The following SOX13 variants were observed in gnomAD, a reference collection of about 807,000 sequenced individuals.
The protein encoded by SOX13 is SRY-box transcription factor 13, also known as transcription factor SOX-13.
SOX13 carries 28 observed loss-of-function variants against 71.8 expected under a neutral mutation model. The observed-to-expected ratio is 0.39, with a 90% CI of 0.29 to 0.53. The LOEUF (loss-of-function observed/expected upper bound fraction) is 0.53. SOX13 is among the 20% of genes least tolerant of loss of function. SOX13 has a pLI of 0.70. For missense variants in SOX13, 627 were observed against 810.3 expected (o/e 0.77, Z 2.75); for synonymous variants, 309 against 317.8 (o/e 0.97, Z 0.29).
chr1:204,075,710 T>G (rs953079558), intron 1 of SOX13, among the ~76,000 whole-genome samples: 4 of 152,196 alleles, frequency 2.6e-5, no homozygotes, highest in African/African-American at 9.7e-5. Context: ...GGTGTGACTC[T>G]GGGCAATTTA....
chr1:204,075,920 G>T (rs1216233379), intron 1 of SOX13, among the ~76,000 whole-genome samples: 1 of 152,198 alleles, frequency 6.6e-6, no homozygotes, highest in Non-Finnish European at 1.5e-5. Context: ...AGAGCACTTG[G>T]TGATTGTGCT....
At chr1:204,122,154 A>C in intron 8 of SOX13, 83 bp from the exon 9 acceptor site, 1 of 1,242,798 alleles carries the variant, frequency 8.0e-7, no homozygotes, top group Non-Finnish European at 1.1e-6. Context: ...TGTTCTGGGT[A>C]TGCTCACCTC....
Position 204,123,060 on chromosome 1 carries a change from G to C in SOX13, c.1135-52G>C. ...GGCCACCAAGAGAGGAGCATGGGGA[G>C]GAGTGGGGTGATGCAGAGGAGGCTG... On this transcript the variant is annotated intron_variant, in intron 10 of 13. Transcript: ENST00000367204. The surrounding 1 kb of genome is among the most constrained non-coding windows in gnomAD (Gnocchi z 5.0). 1 of 1,532,124 alleles carries C rather than the reference G, an allele frequency of 6.5e-7. No homozygotes were observed. The highest frequency in any genetic ancestry group is 9.0e-7 in the Non-Finnish European group (1 of 1,106,840). The allele number at this position is 1,532,124 out of a possible 1,614,324, so 94.9% of individuals were successfully genotyped here. A position where few individuals can be genotyped will look rare whatever the true frequency, so the allele number is the denominator to read the frequency against.
intron 9 of SOX13, 57 bp from the exon 10 acceptor site, chr1:204,122,797 G>A (rs749809160): frequency 9.0e-7 from 1 of 1,115,306 alleles, no homozygotes; most frequent in Non-Finnish European, 1.3e-6. Flanking sequence ...GCTCATGCTG[G>A]GCTGATGCCC....
At chr1:204,082,585 C>G (rs892562076) in intron 1 of SOX13, among the ~76,000 whole-genome samples, 2 of 152,130 alleles carry the variant, frequency 1.3e-5, no homozygotes, top group Admixed American at 1.3e-4. Context: ...CCCGGGAGCA[C>G]TTAATATGGG....
At chr1:204,104,894 A>G (rs956209435) in intron 1 of SOX13, among the ~76,000 whole-genome samples, 5 of 151,608 alleles carry the variant, frequency 3.3e-5, no homozygotes, top group African/African-American at 1.2e-4. Flanking sequence ...CTGACAGTAA[A>G]AACTCCTTTG....
At chr1:204,102,341 G>C (rs1041139601) in intron 1 of SOX13, among the ~76,000 whole-genome samples, 1 of 152,192 alleles carries the variant, frequency 6.6e-6, no homozygotes, top group Non-Finnish European at 1.5e-5. Context: ...GAACGCAAGG[G>C]TTAATGATAT....
At chr1:204,082,006 G>A (rs1327444286) in intron 1 of SOX13, among the ~76,000 whole-genome samples, 2 of 151,714 alleles carry the variant, frequency 1.3e-5, no homozygotes, top group Non-Finnish European at 2.9e-5. Flanking sequence ...AGCAGAGGGA[G>A]TGGCCCCTTC....
chr1:204,123,593 C>G lies in SOX13; in HGVS notation c.1232-68C>G. On this transcript the variant is annotated intron_variant, in intron 11 of 13. Transcript: ENST00000367204. The surrounding 1 kb of genome is among the most constrained non-coding windows in gnomAD (Gnocchi z 5.0). ...TGCTGGTCAAGTAGGGGACGTCTCT[C>G]TGCTGGCCCTGGGGCACTCTCCTGA... 6.5e-6 allele frequency: 10 copies of G among 1,546,862 alleles called. No homozygotes were observed. The highest frequency in any genetic ancestry group is 8.8e-6 in the Non-Finnish European group (10 of 1,139,162).
chr1:204,111,630 ACT>A lies in SOX13; in HGVS notation c.-1-1282_-1-1281del, dbSNP rs1011235738. On this transcript the variant is annotated intron_variant, in intron 1 of 13. Coordinates refer to ENST00000367204, the MANE Select transcript of SOX13 (RefSeq NM_005686.3). The stretch of plus-strand genomic sequence containing the variant: ...AAACTCAGATGCCTATGGTGGCCAG[ACT>A]CTGAGAGATTCTAGCTAGATACCGG... 1.1e-3 allele frequency among the ~76,000 whole-genome samples: 169 copies of A among 152,226 alleles called. 1 individual carries two copies. Among genetic ancestry groups the A allele is most frequent in the African/African-American group, 3.4e-3 (141 of 41,530 alleles).
At chr1:204,078,505 C>T (rs1403323230) in intron 1 of SOX13, among the ~76,000 whole-genome samples, 1 of 152,204 alleles carries the variant, frequency 6.6e-6, no homozygotes, top group Non-Finnish European at 1.5e-5. Context: ...CACAGTAAAT[C>T]GTGCTTTGAA....
At chr1:204,101,779 T>TAG (rs1472497101) in intron 1 of SOX13, among the ~76,000 whole-genome samples, 2 of 152,150 alleles carry the variant, frequency 1.3e-5, no homozygotes, top group Non-Finnish European at 1.5e-5. Flanking sequence ...CTGGGCTACC[T>TAG]AGAGCCCAGC....
chr1:204,089,953 G>C (rs1423183881), intron 1 of SOX13, among the ~76,000 whole-genome samples: 2 of 152,208 alleles, frequency 1.3e-5, no homozygotes, highest in African/African-American at 4.8e-5. Flanking sequence ...AGAGGGCCAT[G>C]GTGCCAGAGG....
At chr1:204,112,527 A>ACACACACACACACACACACACT (rs34093119) in intron 1 of SOX13, among the ~76,000 whole-genome samples, 2 of 147,790 alleles carry the variant, frequency 1.4e-5, no homozygotes, top group South Asian at 2.2e-4. Flanking sequence ...ACACACACAC[A>ACACACACACACACACACACACT]CTTTCTCTCT....
rs1656350363 is a variant in SOX13, at chr1:204,100,983, G to A, written c.-1-11932G>A. ...GGGCTGGCCAAGCTGGGAGCTGGATGCTTGAATCTCTTAGGGAGCCCCTAG... is the reference window on the plus strand; with the variant it reads ...GGGCTGGCCAAGCTGGGAGCTGGATACTTGAATCTCTTAGGGAGCCCCTAG... On this transcript the variant is annotated intron_variant, in intron 1 of 13. Coordinates refer to ENST00000367204, the MANE Select transcript of SOX13 (RefSeq NM_005686.3). Among the ~76,000 whole-genome samples, 3 of 152,350 alleles carry A rather than the reference G, an allele frequency of 2.0e-5. No individual in the cohort carries two copies. In the South Asian group the frequency reaches 6.2e-4, roughly 32 times the overall value.
At position 204,081,509 on chromosome 1, in the gene SOX13, G is replaced by A. The variant is rs561420395; in HGVS notation, c.-2+7798G>A. Among the ~76,000 whole-genome samples, 78 of 152,270 alleles carry A rather than the reference G, an allele frequency of 5.1e-4. No homozygotes were observed. The highest frequency in any genetic ancestry group is 1.9e-3 in the African/African-American group (77 of 41,554). ...ACGATGACAACTGAGTGGGCCCCAC[G>A]GACCCCCTGGCGGGCTCTGGGGGTG... On this transcript the variant is annotated intron_variant, in intron 1 of 13. Coordinates refer to ENST00000367204, the MANE Select transcript of SOX13 (RefSeq NM_005686.3). The surrounding 1 kb of genome is among the most constrained non-coding windows in gnomAD (Gnocchi z 4.3).
chr1:204,116,409 A>G (rs1234673216), intron 4 of SOX13, 98 bp from the exon 5 acceptor site: 3 of 1,608,194 alleles, frequency 1.9e-6, no homozygotes, highest in Non-Finnish European at 2.5e-6. Context: ...GGACATAGCA[A>G]TTGCTCAATA....
At chr1:204,080,499 C>T (rs538361292) in intron 1 of SOX13, among the ~76,000 whole-genome samples, 4 of 152,116 alleles carry the variant, frequency 2.6e-5, no homozygotes, top group Non-Finnish European at 4.4e-5. Context: ...CTGGGGGATC[C>T]GCCCCAGAGG....
chr1:204,112,843 A>G (rs1656613548), intron 1 of SOX13, 72 bp from the exon 2 acceptor site: 3 of 1,326,126 alleles, frequency 2.3e-6, no homozygotes, highest in Non-Finnish European at 3.1e-6. Flanking sequence ...GGGAGCAAAC[A>G]GTAGGGTCAC....
Sources: allele counts gnomAD v4.1 joint callset (sites outside exome capture counted in the v4.1 genomes callset), GRCh38; gene constraint gnomAD v4.1.1; non-coding constraint Gnocchi (gnomAD v3.1); transcripts MANE v1.5; gene names NCBI Gene and HGNC (gene_info 2026-07-23, HGNC 2026-07-21).